ATXN10: variants seen among roughly 807,000 people sequenced by gnomAD.
ATXN10 encodes the protein ataxin-10.
ATXN10 carries 28 observed loss-of-function variants against 52.9 expected under a neutral mutation model. The observed-to-expected ratio is 0.53, with a 90% CI of 0.39 to 0.73. The LOEUF is 0.73. Among genes scored for constraint, ATXN10 ranks in the 30% least tolerant of loss-of-function variants. The pLI is 0.00. For synonymous variants in ATXN10, 226 were observed against 221.5 expected (o/e 1.02, Z -0.18); for missense variants, 565 against 577.0 (o/e 0.98, Z 0.21).
In ATXN10 at chr22:45,780,398, A is replaced by C. The variant is rs1179862344; in HGVS notation, c.1174-26561A>C. Reference sequence around the variant, plus strand: ...TGTGCCCGTCGGACTGTTTGCTCTCATGAGAGCAGGGTGTGAAAGCCCCCT... The same window carrying C: ...TGTGCCCGTCGGACTGTTTGCTCTCCTGAGAGCAGGGTGTGAAAGCCCCCT... On this transcript the variant is annotated intron_variant, in intron 9 of 11. Transcript: ENST00000252934. The surrounding 1 kb of genome is among the most constrained non-coding windows in gnomAD (Gnocchi z 4.0). Among the ~76,000 whole-genome samples, 1 of 152,168 alleles carries C rather than the reference A, an allele frequency of 6.6e-6. No homozygotes were observed. The highest frequency in any genetic ancestry group is 2.1e-4 in the South Asian group (1 of 4,826).
rs1054772135 is a variant in ATXN10 at position 45,823,881 on chromosome 22, G to A, written c.1237+16859G>A. 1.3e-5 allele frequency among the ~76,000 whole-genome samples: 2 copies of A among 152,200 alleles called. No homozygotes were observed. The highest frequency in any genetic ancestry group is 1.3e-4 in the Admixed American group (2 of 15,286). On this transcript the variant is annotated intron_variant, in intron 10 of 11. Coordinates refer to ENST00000252934, the MANE Select transcript of ATXN10 (RefSeq NM_013236.4). This position sits in a 1 kb window ranked among gnomAD's most constrained non-coding sequence, Gnocchi z 4.9. Reference sequence around the variant, plus strand: ...GGCACACCCCCTGCTAGGCTTGGGGGCAGGCACTCAGGTCACCTGGGAGAC... The same window carrying A: ...GGCACACCCCCTGCTAGGCTTGGGGACAGGCACTCAGGTCACCTGGGAGAC...
intron 9 of ATXN10, among the ~76,000 whole-genome samples, chr22:45,779,466 T>C (rs1004701885): frequency 5.9e-5 from 9 of 152,350 alleles, no homozygotes; most frequent in Admixed American, 2.6e-4. Flanking sequence ...TTTGTTGTTG[T>C]TGTTGTTCTT....
At chr22:45,716,320 G>A (rs1288965495) in intron 5 of ATXN10, among the ~76,000 whole-genome samples, 2 of 148,316 alleles carry the variant, frequency 1.3e-5, no homozygotes, top group Admixed American at 6.7e-5. Flanking sequence ...TGCTTTGAGT[G>A]CTTCCTTTTT....
chr22:45,704,826 T>G (rs1923977096), intron 5 of ATXN10, among the ~76,000 whole-genome samples: 1 of 152,306 alleles, frequency 6.6e-6, no homozygotes, highest in East Asian at 1.9e-4. Flanking sequence ...GTAGAATTGG[T>G]GAGAGCAGAC....
At chr22:45,793,763 C>T (rs998529208) in intron 9 of ATXN10, 16 of 1,407,736 alleles carry the variant, frequency 1.1e-5, no homozygotes, top group South Asian at 1.8e-5. Flanking sequence ...TGCCTTTCCC[C>T]AGTGATGCAG....
At chr22:45,726,887 G>A (rs776699530) in intron 6 of ATXN10, among the ~76,000 whole-genome samples, 2 of 151,992 alleles carry the variant, frequency 1.3e-5, no homozygotes, top group Middle Eastern at 3.2e-3. Flanking sequence ...TCACCGTGTC[G>A]CCCGGGCTGG....
At chr22:45,791,526 T>A (rs1332203355) in intron 9 of ATXN10, among the ~76,000 whole-genome samples, 1 of 152,186 alleles carries the variant, frequency 6.6e-6, no homozygotes, top group African/African-American at 2.4e-5. Flanking sequence ...CATGGTCGGG[T>A]ACTTTTTCTG....
intron 1 of ATXN10, among the ~76,000 whole-genome samples, chr22:45,685,329 T>C (rs544931303): frequency 6.6e-6 from 1 of 152,232 alleles, no homozygotes; most frequent in Non-Finnish European, 1.5e-5. Context: ...TAATGTAACA[T>C]TTCATTTATA....
At chr22:45,753,030 G>A (rs992165729) in intron 9 of ATXN10, among the ~76,000 whole-genome samples, 7 of 151,972 alleles carry the variant, frequency 4.6e-5, no homozygotes, top group South Asian at 4.1e-4. Context: ...TACCGTGCCC[G>A]GCTGATCAAC....
At chr22:45,745,346 T>G (rs1289724701) in intron 9 of ATXN10, among the ~76,000 whole-genome samples, 1 of 152,218 alleles carries the variant, frequency 6.6e-6, no homozygotes, top group Non-Finnish European at 1.5e-5. Flanking sequence ...TTTATCTACC[T>G]TCCGCCCGCC....
intron 9 of ATXN10, among the ~76,000 whole-genome samples, chr22:45,796,359 T>C (rs535519351): frequency 6.6e-6 from 1 of 152,204 alleles, no homozygotes; most frequent in Non-Finnish European, 1.5e-5. Flanking sequence ...TGGACCTTCA[T>C]CAGTAATTCT....
rs532433819 is a variant in ATXN10 at position 45,805,482 on chromosome 22, T to C, written c.1174-1477T>C. ...TTAGTGGGTGAATGGAAAAATGCAA[T>C]GTGGCATATCCGTACAATGCACTGT... On this transcript the variant is annotated intron_variant, in intron 9 of 11. Coordinates refer to ENST00000252934, the MANE Select transcript of ATXN10 (RefSeq NM_013236.4). The surrounding 1 kb of genome is among the most constrained non-coding windows in gnomAD (Gnocchi z 4.4). Among the ~76,000 whole-genome samples, 3 of 152,196 alleles carry C rather than the reference T, an allele frequency of 2.0e-5. No homozygotes were observed. The highest frequency in any genetic ancestry group is 2.9e-5 in the Non-Finnish European group (2 of 68,040).
At position 45,772,664 on chromosome 22, in the gene ATXN10, T is replaced by A. The variant is rs945696410; in HGVS notation, c.1173+32126T>A. The stretch of plus-strand genomic sequence containing the variant: ...TTTGGGGGGAATCAATGTCTTACTG[T>A]GTTGAGTCTTCCAATCCGTGAACCA... On this transcript the variant is annotated intron_variant, in intron 9 of 11. Transcript: ENST00000252934. The surrounding 1 kb of genome is among the most constrained non-coding windows in gnomAD (Gnocchi z 4.1). 6.6e-5 allele frequency among the ~76,000 whole-genome samples: 10 copies of A among 152,356 alleles called. No homozygotes were observed. Among genetic ancestry groups the A allele is most frequent in the Non-Finnish European group, 4.4e-5 (3 of 68,024 alleles).
chr22:45,801,603 T>A (rs1406097795), intron 9 of ATXN10, among the ~76,000 whole-genome samples: 1 of 152,200 alleles, frequency 6.6e-6, no homozygotes, highest in Non-Finnish European at 1.5e-5. Flanking sequence ...AATCCAGACA[T>A]ACACCCAGTT....
intron 9 of ATXN10, among the ~76,000 whole-genome samples, chr22:45,749,563 C>CT (rs1001066084): frequency 1.3e-5 from 2 of 151,924 alleles, no homozygotes; most frequent in East Asian, 1.9e-4. Context: ...CTTTCCCTTT[C>CT]TTTTTTTCTT....
rs1229659515 is a variant in ATXN10, at chr22:45,708,666, G to A, written c.647+5819G>A. The stretch of plus-strand genomic sequence containing the variant: ...GTAAACTTTTTCTTTTTGAGACAGA[G>A]TCTCACTCTGTTGCCCAGGCTGGAG... On this transcript the variant is annotated intron_variant, in intron 5 of 11. Transcript: ENST00000252934. This position sits in a 1 kb window ranked among gnomAD's most constrained non-coding sequence, Gnocchi z 5.3. 1.3e-5 allele frequency among the ~76,000 whole-genome samples: 2 copies of A among 152,170 alleles called. No individual in the cohort carries two copies. Among genetic ancestry groups the A allele is most frequent in the Admixed American group, 1.3e-4 (2 of 15,288 alleles).
At position 45,834,703 on chromosome 22, in the gene ATXN10, C is replaced by T. The variant is rs541900719; in HGVS notation, c.1238-8288C>T. Among the ~76,000 whole-genome samples the T allele has an allele frequency of 2.1e-4, 32 of 152,308 alleles. 1 individual carries two copies. The South Asian group carries it at 2.9e-3, about 14-fold the overall frequency. On this transcript the variant is annotated intron_variant, in intron 10 of 11. Coordinates refer to ENST00000252934, the MANE Select transcript of ATXN10 (RefSeq NM_013236.4). Reference sequence around the variant, plus strand: ...AATATTTTAAACACTCATACTGTAGCCAGGAGCTACAAGGACCAGTAAGAT... The same window carrying T: ...AATATTTTAAACACTCATACTGTAGTCAGGAGCTACAAGGACCAGTAAGAT...
rs573368926 is a variant in ATXN10 at position 45,684,758 on chromosome 22, A to G, written c.117-4954A>G. Among the ~76,000 whole-genome samples the G allele has an allele frequency of 6.6e-6, 1 of 152,212 alleles. No homozygotes were observed. Among genetic ancestry groups the G allele is most frequent in the Non-Finnish European group, 1.5e-5 (1 of 68,038 alleles). ...ACGGCTTCGGAATCCTGGATGTGAC[A>G]GAAGAGGAGAGAAGAGTGTGAAAAG... On this transcript the variant is annotated intron_variant, in intron 1 of 11. Transcript: ENST00000252934. This position sits in a 1 kb window ranked among gnomAD's most constrained non-coding sequence, Gnocchi z 4.1.
intron 10 of ATXN10, among the ~76,000 whole-genome samples, chr22:45,813,597 A>G (rs977130875): frequency 2.0e-5 from 3 of 152,000 alleles, no homozygotes; most frequent in Admixed American, 1.3e-4. Flanking sequence ...CACAGTGGCA[A>G]GGGCATCAGT....
Sources: allele counts gnomAD v4.1 joint callset (sites outside exome capture counted in the v4.1 genomes callset), GRCh38; gene constraint gnomAD v4.1.1; non-coding constraint Gnocchi (gnomAD v3.1); transcripts MANE v1.5; gene names NCBI Gene and HGNC (gene_info 2026-07-23, HGNC 2026-07-21).